The following PATZ1 variants were observed in gnomAD, a reference collection of about 807,000 sequenced individuals.
The protein encoded by PATZ1 is POZ-, AT hook-, and zinc finger-containing protein 1.
A neutral mutation model predicts 46.2 loss-of-function variants in PATZ1; 9 were observed. That is an observed-to-expected ratio of 0.19 (90% CI 0.12 to 0.34). The LOEUF is 0.34. PATZ1 is among the 10% of genes least tolerant of loss of function. The probability of loss-of-function intolerance (pLI) is 1.00; values close to 1 mark genes in which losing one functional copy is unlikely to be tolerated. For synonymous variants in PATZ1, 426 were observed against 378.6 expected (o/e 1.13, Z -1.45); for missense variants, 632 against 923.0 (o/e 0.68, Z 4.08).
rs1248058509 is a variant in PATZ1, at chr22:31,345,975, G to A, written c.-373C>T. On this transcript the variant is annotated 5_prime_UTR_variant, in exon 1 of 5. Coordinates refer to ENST00000266269, the MANE Select transcript of PATZ1 (RefSeq NM_014323.3). The surrounding 1 kb of genome is among the most constrained non-coding windows in gnomAD (Gnocchi z 7.4). ...GCCCGCCAGGCGGCGCCGGCGCGCA[G>A]CCAAGAAGGGCACGCGCACGCGGGG... is the stretch of plus-strand genomic sequence containing the variant. 3 of 223,644 alleles carry A rather than the reference G, an allele frequency of 1.3e-5. No homozygotes were observed. Among genetic ancestry groups the A allele is most frequent in the East Asian group, 1.4e-4 (2 of 14,522 alleles). 13.9% of individuals were successfully genotyped at this position (223,644 alleles called of 1,614,324 possible).
At chr22:31,343,622 C>T (rs2049610372) in intron 1 of PATZ1, 2 of 161,698 alleles carry the variant, frequency 1.2e-5, no homozygotes, top group Non-Finnish European at 2.6e-5. Context: ...ACAAAATCAC[C>T]CTCTGCTCCC....
rs756294759 is a variant in PATZ1 at position 31,326,978 on chromosome 22, A to G, written c.1977T>C (p.Phe659=). 1 of 1,614,182 alleles carries G rather than the reference A, an allele frequency of 6.2e-7. No individual in the cohort carries two copies. Among genetic ancestry groups the G allele is most frequent in the Non-Finnish European group, 8.5e-7 (1 of 1,180,016 alleles). ...PQQNMSLLES[F]GFQIVQSAFA... ...ATGCCGACTGAACAATCTGAAACCC[A>G]AAGGACTCGAGGAGAGACATGTTCT... is the stretch of plus-strand genomic sequence containing the variant. Residue 659 remains phenylalanine, a synonymous_variant, in exon 5 of 5, where the codon TTT becomes TTC. Transcript: ENST00000266269.
At position 31,343,215 on chromosome 22, in the gene PATZ1, A is replaced by G. The variant is rs1031468676; in HGVS notation, c.1272-255T>C. 1.3e-5 allele frequency: 16 copies of G among 1,236,366 alleles called. No homozygotes were observed. In the Admixed American group the frequency reaches 3.1e-4, roughly 24 times the overall value. The allele number at this position is 1,236,366 out of a possible 1,614,324, so 76.6% of individuals were successfully genotyped here. A position where few individuals can be genotyped will look rare whatever the true frequency, so the allele number is the denominator to read the frequency against. ...CTGATTTTGCCTCCCCACTCCCTCA[A>G]TTCTCCCCACCAGAAACTCAGTGTT... On this transcript the variant is annotated intron_variant, in intron 1 of 4. Coordinates refer to ENST00000266269, the MANE Select transcript of PATZ1 (RefSeq NM_014323.3).
Position 31,344,694 on chromosome 22 carries a change from A to C in PATZ1, c.909T>G (p.Asp303Glu), listed in dbSNP as rs775784085. 2 of 1,613,788 alleles carry C rather than the reference A, an allele frequency of 1.2e-6. No individual in the cohort carries two copies. The highest frequency in any genetic ancestry group is 1.7e-6 in the Non-Finnish European group (2 of 1,179,948). ...PCGLCGKVFT[D>E]ANRLRQHEAQ... is the part of the protein sequence containing the mutation. ...CCTCGTGCTGCCGGAGCCGGTTGGC[A>C]TCAGTGAACACCTTACCACATAGAC... The change falls in exon 1 of 5, where the codon GAT becomes GAG. Residue 303 changes from aspartate to glutamate, a missense_variant. Around this residue, in one of 7 missense-constraint regions of PATZ1, gnomAD observed 279 missense variants for 284.3 expected, o/e 0.98. Coordinates refer to ENST00000266269, the MANE Select transcript of PATZ1 (RefSeq NM_014323.3).
At chr22:31,341,750 G>C in intron 2 of PATZ1, 1 of 1,431,058 alleles carries the variant, frequency 7.0e-7, no homozygotes, top group Non-Finnish European at 9.5e-7. Flanking sequence ...CTGCCCTCTG[G>C]GCTCCTCCTA....
In PATZ1 at chr22:31,345,276, G is replaced by T; in HGVS notation, c.327C>A (p.Ile109=). Residue 109 remains isoleucine (I), a synonymous_variant, in exon 1 of 5, where the codon ATC becomes ATA. Coordinates refer to ENST00000266269, the MANE Select transcript of PATZ1 (RefSeq NM_014323.3). This position sits in a 1 kb window ranked among gnomAD's most constrained non-coding sequence, Gnocchi z 7.4. ...GAATGTCCCCAAATACCTTGGAGCTGATAGTGTGCATCTCCAGCTCCCGGC... is the reference window on the plus strand; with the variant it reads ...GAATGTCCCCAAATACCTTGGAGCTTATAGTGTGCATCTCCAGCTCCCGGC... ...GGSRELEMHT[I]SSKVFGDILD... 1 of 1,612,734 alleles carries T rather than the reference G, an allele frequency of 6.2e-7. No individual in the cohort carries two copies. The highest frequency in any genetic ancestry group is 8.5e-7 in the Non-Finnish European group (1 of 1,179,064).
At position 31,345,288 on chromosome 22, in the gene PATZ1, C is replaced by T; in HGVS notation, c.315G>A (p.Glu105=). 3 of 1,611,894 alleles carry T rather than the reference C, an allele frequency of 1.9e-6. No homozygotes were observed. The highest frequency in any genetic ancestry group is 2.5e-6 in the Non-Finnish European group (3 of 1,178,510). The change falls in exon 1 of 5, where the codon GAG becomes GAA. Residue 105 remains glutamate, a synonymous_variant. Coordinates refer to ENST00000266269, the MANE Select transcript of PATZ1 (RefSeq NM_014323.3). The surrounding 1 kb of genome is among the most constrained non-coding windows in gnomAD (Gnocchi z 7.4). ...ATACCTTGGAGCTGATAGTGTGCAT[C>T]TCCAGCTCCCGGCTGCCCCCGGCCC... The part of the protein sequence containing the change: ...GGGAGGSREL[E]MHTISSKVFG...
At position 31,345,703 on chromosome 22, in the gene PATZ1, C is replaced by G. The variant is rs1264366882; in HGVS notation, c.-101G>C. ...GGCGCAGCAGACGTGTCCACACTCC[C>G]CACACGTGCCGGCCCGAGGCTCTGT... On this transcript the variant is annotated 5_prime_UTR_variant, in exon 1 of 5. Transcript: ENST00000266269. The surrounding 1 kb of genome is among the most constrained non-coding windows in gnomAD (Gnocchi z 7.4). 1 of 1,180,304 alleles carries G rather than the reference C, an allele frequency of 8.5e-7. No homozygotes were observed. Among genetic ancestry groups the G allele is most frequent in the East Asian group, 2.6e-5 (1 of 38,432 alleles). 73.1% of individuals were successfully genotyped at this position (1,180,304 alleles called of 1,614,324 possible).
intron 3 of PATZ1, among the ~76,000 whole-genome samples, chr22:31,333,475 CCTTT>C (rs900310634): frequency 4.9e-5 from 7 of 144,280 alleles, no homozygotes; most frequent in Non-Finnish European, 9.0e-5. Context: ...TTATCCTCTT[CCTTT>C]TTTTTTTTTT....
Position 31,339,298 on chromosome 22 carries a change from A to G in PATZ1, c.1336-3435T>C, listed in dbSNP as rs1003884204. On this transcript the variant is annotated intron_variant, in intron 2 of 4. Coordinates refer to ENST00000266269, the MANE Select transcript of PATZ1 (RefSeq NM_014323.3). ...TGCTGGGGGAAAAAACACAAACATG[A>G]CAAACGCTTTCCCTGTGTTCAAAGC... Among the ~76,000 whole-genome samples the G allele has an allele frequency of 3.9e-5, 6 of 152,292 alleles. No homozygotes were observed. In the East Asian group the frequency reaches 9.7e-4, roughly 25 times the overall value.
intron 2 of PATZ1, chr22:31,341,660 G>C (rs1473594809): frequency 6.2e-7 from 1 of 1,612,384 alleles, no homozygotes; most frequent in African/African-American, 1.3e-5. Context: ...GGGGCGGCAG[G>C]CCGCTGCTGC....
At chr22:31,342,999 G>A in intron 1 of PATZ1, 39 bp from the exon 2 acceptor site, 1 of 1,613,046 alleles carries the variant, frequency 6.2e-7, no homozygotes, top group Non-Finnish European at 8.5e-7. Context: ...TAGAAACTTG[G>A]CCAGACCCCA....
chr22:31,332,531 T>A (rs896253550), intron 3 of PATZ1, among the ~76,000 whole-genome samples: 1 of 152,240 alleles, frequency 6.6e-6, no homozygotes, highest in African/African-American at 2.4e-5. Flanking sequence ...TGCTCCTCAG[T>A]TGCATTTTCT....
intron 2 of PATZ1, chr22:31,340,999 C>T (rs1034995974): frequency 2.2e-5 from 24 of 1,075,142 alleles, no homozygotes; most frequent in Non-Finnish European, 2.5e-5. Context: ...CCGACTCACT[C>T]GTGGAGTGGG....
intron 1 of PATZ1, chr22:31,343,457 C>T: frequency 2.0e-6 from 2 of 986,312 alleles, no homozygotes; most frequent in Middle Eastern, 1.0e-3. Flanking sequence ...CCCAGCTGGG[C>T]TGGTAAGCCA....
chr22:31,334,480 G>A (rs1056043224), intron 3 of PATZ1, among the ~76,000 whole-genome samples: 49 of 152,080 alleles, frequency 3.2e-4, no homozygotes, highest in African/African-American at 1.0e-3. Context: ...CGTGGACCTC[G>A]GCACATGAAC....
intron 1 of PATZ1, chr22:31,343,273 AAC>A: frequency 9.0e-7 from 1 of 1,105,066 alleles, no homozygotes; most frequent in Non-Finnish European, 1.1e-6. Flanking sequence ...AGTAGAATGA[AAC>A]AGAGCTGCCT....
chr22:31,326,552 G>T lies in PATZ1; in HGVS notation c.*339C>A. ...AGGTCCCAGAATATCATAGATTTGGGTATAGGATTGGGGTCACTAAGAATT... is the reference window on the plus strand; with the variant it reads ...AGGTCCCAGAATATCATAGATTTGGTTATAGGATTGGGGTCACTAAGAATT... On this transcript the variant is annotated 3_prime_UTR_variant, in exon 5 of 5. Coordinates refer to ENST00000266269, the MANE Select transcript of PATZ1 (RefSeq NM_014323.3). The T allele has an allele frequency of 3.4e-6, 1 of 294,476 alleles. No homozygotes were observed. Among genetic ancestry groups the T allele is most frequent in the Non-Finnish European group, 6.4e-6 (1 of 156,596 alleles). 18.2% of individuals were successfully genotyped at this position (294,476 alleles called of 1,614,324 possible).
At chr22:31,343,031 CGTGTGT>C (rs1422711538) in intron 1 of PATZ1, 71 bp from the exon 2 acceptor site, 1 of 1,605,712 alleles carries the variant, frequency 6.2e-7, no homozygotes, top group African/African-American at 1.3e-5. Context: ...CATATGCATA[CGTGTGT>C]ACACACACAC....
Sources: gnomAD v4.1 joint callset for allele counts (sites outside exome capture counted in the v4.1 genomes callset) on GRCh38, gnomAD v4.1.1 for gene constraint, gnomAD v4.1.1 regional missense constraint, Gnocchi (gnomAD v3.1) non-coding constraint, MANE v1.5 for transcripts, NCBI Gene and HGNC (gene_info 2026-07-23, HGNC 2026-07-21) for gene names.